The following CIMAP1C variants were observed in gnomAD, a reference collection of about 807,000 sequenced individuals.
CIMAP1C encodes the protein outer dense fiber of sperm tails 3 like 1.
the CIMAP1C span, chr15:75,727,470 T>C: frequency 1.2e-6 from 2 of 1,612,996 alleles, no homozygotes; most frequent in South Asian, 1.1e-5. Flanking sequence ...AAGCCCCACA[T>C]CCCTGCTTTC....
At chr15:75,724,441 C>T in the CIMAP1C span, 1 of 709,410 alleles carries the variant, frequency 1.4e-6, no homozygotes, top group Non-Finnish European at 2.5e-6. Flanking sequence ...AGCCTCCAAG[C>T]TGACCCTCAC....
chr15:75,727,470 T>A, the CIMAP1C span: 1 of 1,612,878 alleles, frequency 6.2e-7, no homozygotes, highest in South Asian at 1.1e-5. Flanking sequence ...AAGCCCCACA[T>A]CCCTGCTTTC....
the CIMAP1C span, chr15:75,727,328 G>T: frequency 6.3e-5 from 102 of 1,614,058 alleles, 4 homozygotes; most frequent in South Asian, 1.1e-3. Flanking sequence ...TACCACGTAC[G>T]CCCGACCTGA....
chr15:75,724,186 G>GC, the CIMAP1C span: 1 of 1,588,004 alleles, frequency 6.3e-7, no homozygotes, highest in Non-Finnish European at 8.6e-7. Context: ...GCTGCTCCCT[G>GC]CCCAGCCCCA....
At chr15:75,724,136 C>A in the CIMAP1C span, 1 of 1,081,584 alleles carries the variant, frequency 9.2e-7, no homozygotes, top group South Asian at 1.3e-5. Context: ...CAGGGATACT[C>A]TAGCCCCTTG....
the CIMAP1C span, among the ~76,000 whole-genome samples, chr15:75,724,625 G>A: frequency 6.6e-6 from 1 of 152,214 alleles, no homozygotes; most frequent in Non-Finnish European, 1.5e-5. Context: ...TTACTATGTT[G>A]GTAATGACTG....
At chr15:75,727,209 T>G in the CIMAP1C span, 2 of 1,613,992 alleles carry the variant, frequency 1.2e-6, no homozygotes, top group African/African-American at 2.7e-5. Context: ...CAGATGCCAC[T>G]CTTGCTGGGG....
At chr15:75,727,348 C>T in the CIMAP1C span, 1 of 1,613,954 alleles carries the variant, frequency 6.2e-7, no homozygotes, top group African/African-American at 1.3e-5. Flanking sequence ...AGCCATCCAT[C>T]TATCAGAACC....
chr15:75,727,083 G>A, the CIMAP1C span: 1 of 1,613,576 alleles, frequency 6.2e-7, no homozygotes, highest in Non-Finnish European at 8.5e-7. Flanking sequence ...CTCGCATCCT[G>A]CCAGTACTAC....
the CIMAP1C span, chr15:75,727,444 G>A: frequency 6.2e-7 from 1 of 1,613,986 alleles, no homozygotes; most frequent in Non-Finnish European, 8.5e-7. Flanking sequence ...ACGAGGTCCA[G>A]CAGGTCACTG....
the CIMAP1C span, chr15:75,727,155 GC>G: frequency 8.7e-6 from 14 of 1,614,024 alleles, no homozygotes; most frequent in South Asian, 1.4e-4. Flanking sequence ...GGCTACCGGC[GC>G]CCATACAGAG....
the CIMAP1C span, chr15:75,725,015 A>C: frequency 1.3e-6 from 1 of 792,656 alleles, no homozygotes; most frequent in Non-Finnish European, 2.2e-6. Flanking sequence ...AAGAACAAAT[A>C]CCCCCAATGT....
chr15:75,727,405 C>T, the CIMAP1C span: 1 of 1,614,040 alleles, frequency 6.2e-7, no homozygotes, highest in Non-Finnish European at 8.5e-7. Flanking sequence ...ACCCTCTGGA[C>T]CTCACGCCAC....
chr15:75,727,525 C>T, the CIMAP1C span: 7 of 1,586,548 alleles, frequency 4.4e-6, no homozygotes, highest in South Asian at 2.3e-5. Context: ...CACTGGTCAT[C>T]GACATTCGTG....
chr15:75,726,169 T>C, the CIMAP1C span: 1 of 1,570,436 alleles, frequency 6.4e-7, no homozygotes, highest in East Asian at 2.3e-5. Context: ...ATCTCCAACC[T>C]GCGTAAGATG....
chr15:75,727,302 C>A, the CIMAP1C span: 1 of 1,614,172 alleles, frequency 6.2e-7, no homozygotes, highest in Non-Finnish European at 8.5e-7. Flanking sequence ...GAGGATGTGG[C>A]AGGAGGCCCT....
the CIMAP1C span, among the ~76,000 whole-genome samples, chr15:75,726,617 T>C: frequency 4.6e-5 from 7 of 151,932 alleles, no homozygotes; most frequent in Non-Finnish European, 8.8e-5. Context: ...ATCTTATTTA[T>C]TTATTATTTA....
chr15:75,726,007 A>AG, the CIMAP1C span: 1 of 1,258,082 alleles, frequency 7.9e-7, no homozygotes, highest in Admixed American at 1.8e-5. Context: ...CCAGGTGCTC[A>AG]GTGGGGCAGC....
chr15:75,725,276 G>A, the CIMAP1C span: 2 of 1,296,022 alleles, frequency 1.5e-6, no homozygotes, highest in Non-Finnish European at 2.2e-6. Flanking sequence ...GGAGGTTGAG[G>A]GGAGAGACAT....
Sources: allele counts gnomAD v4.1 joint callset (sites outside exome capture counted in the v4.1 genomes callset), GRCh38; gene constraint gnomAD v4.1.1; transcripts MANE v1.5; gene names NCBI Gene and HGNC (gene_info 2026-07-23, HGNC 2026-07-21).